IFNGR1: variants seen among roughly 807,000 people sequenced by gnomAD.
IFNGR1 encodes AVP, type 2.
A neutral mutation model predicts 35.4 loss-of-function variants in IFNGR1; 23 were observed. That is an observed-to-expected ratio of 0.65 (90% CI 0.47 to 0.92). IFNGR1 has a LOEUF of 0.92. Ranked by LOEUF, IFNGR1 falls within the 40% of genes least tolerant of loss-of-function variation. The pLI, the probability that IFNGR1 is intolerant of heterozygous loss-of-function variation, is 0.00. For synonymous variants in IFNGR1, 199 were observed against 209.5 expected (o/e 0.95, Z 0.43); for missense variants, 533 against 583.4 (o/e 0.91, Z 0.89).
chr6:137,205,760 G>T (rs1779413376), intron 3 of IFNGR1, among the ~76,000 whole-genome samples: 1 of 152,204 alleles, frequency 6.6e-6, no homozygotes, highest in African/African-American at 2.4e-5. Context: ...GGGCTTGAAA[G>T]AAGGGGAGGA....
chr6:137,211,486 C>T (rs1779571574), intron 1 of IFNGR1, among the ~76,000 whole-genome samples: 1 of 152,142 alleles, frequency 6.6e-6, no homozygotes, highest in Non-Finnish European at 1.5e-5. Context: ...TCAAATACTT[C>T]ATACTACTAA....
chr6:137,212,951 G>T (rs1251380153), intron 1 of IFNGR1, among the ~76,000 whole-genome samples: 1 of 152,186 alleles, frequency 6.6e-6, no homozygotes, highest in Non-Finnish European at 1.5e-5. Context: ...TACACCAAAA[G>T]ATGTAATCTG....
At chr6:137,213,195 T>G (rs1451458195) in intron 1 of IFNGR1, among the ~76,000 whole-genome samples, 1 of 152,198 alleles carries the variant, frequency 6.6e-6, no homozygotes, top group Non-Finnish European at 1.5e-5. Flanking sequence ...AATAAAAATA[T>G]ATGTAGAAAC....
intron 1 of IFNGR1, among the ~76,000 whole-genome samples, chr6:137,209,647 T>C (rs1779530039): frequency 6.6e-6 from 1 of 151,824 alleles, no homozygotes; most frequent in East Asian, 1.9e-4. Context: ...TGTGGAACTG[T>C]AAGTCCAATC....
In IFNGR1 at chr6:137,202,759, G is replaced by T. The variant is rs182692439; in HGVS notation, c.733+740C>A. ...GAAAAACTAAAGAAAATATCAAACT[G>T]TGAATAATGGGGTATTTTTGCATGG... On this transcript the variant is annotated intron_variant, in intron 5 of 6. Transcript: ENST00000367739. 1.5e-3 allele frequency among the ~76,000 whole-genome samples: 227 copies of T among 152,108 alleles called. 1 individual carries two copies. Among genetic ancestry groups the T allele is most frequent in the African/African-American group, 5.3e-3 (219 of 41,484 alleles).
chr6:137,214,040 G>C (rs754543384), intron 1 of IFNGR1, among the ~76,000 whole-genome samples: 1 of 152,180 alleles, frequency 6.6e-6, no homozygotes, highest in East Asian at 1.9e-4. Flanking sequence ...AAGGAAGTGA[G>C]GATGAAGTAA....
chr6:137,216,739 CT>C (rs1336958031), intron 1 of IFNGR1, among the ~76,000 whole-genome samples: 5 of 152,114 alleles, frequency 3.3e-5, no homozygotes, highest in Admixed American at 6.5e-5. Flanking sequence ...GAGAAATGCA[CT>C]GAAAAATCTA....
intron 6 of IFNGR1, among the ~76,000 whole-genome samples, chr6:137,199,348 TTA>T (rs904777048): frequency 3.1e-5 from 4 of 128,094 alleles, no homozygotes; most frequent in African/African-American, 1.2e-4. Context: ...AATATATAAT[TTA>T]TAATTTATAA....
intron 5 of IFNGR1, 119 bp downstream of exon 5, chr6:137,203,380 T>C (rs1779335482): frequency 4.2e-6 from 3 of 706,590 alleles, no homozygotes; most frequent in Non-Finnish European, 5.2e-6. Flanking sequence ...ATGGAACTAA[T>C]GCAAATGAAT....
chr6:137,212,587 A>C (rs1244984475), intron 1 of IFNGR1, among the ~76,000 whole-genome samples: 4 of 152,104 alleles, frequency 2.6e-5, no homozygotes, highest in African/African-American at 7.2e-5. Context: ...ACCCAGTAGG[A>C]ATGGCTTTAT....
chr6:137,201,293 A>G lies in IFNGR1; in HGVS notation c.734-285T>C, dbSNP rs141481810. ...AGCTTTTCTACAATAATTTCCTTAC[A>G]GCCCTACATACAGTGTGTTTCCAGG... On this transcript the variant is annotated intron_variant, in intron 5 of 6. Coordinates refer to ENST00000367739, the MANE Select transcript of IFNGR1 (RefSeq NM_000416.3). 2.1e-3 allele frequency among the ~76,000 whole-genome samples: 327 copies of G among 152,362 alleles called. 2 individuals are homozygous for G. Among genetic ancestry groups the G allele is most frequent in the African/African-American group, 6.9e-3 (288 of 41,582 alleles).
intron 5 of IFNGR1, 125 bp downstream of exon 5, chr6:137,203,374 A>G (rs1779335294): frequency 5.7e-6 from 4 of 698,650 alleles, no homozygotes; most frequent in Admixed American, 4.2e-5. Context: ...TAAGGAATGG[A>G]ACTAATGCAA....
At chr6:137,218,792 G>T (rs1779769751) in intron 1 of IFNGR1, 1 of 349,290 alleles carries the variant, frequency 2.9e-6, no homozygotes, top group Non-Finnish European at 5.6e-6. Context: ...CTGCTCTTAG[G>T]TCATGAACCT....
At chr6:137,199,437 TATA>T (rs1356933160) in intron 6 of IFNGR1, among the ~76,000 whole-genome samples, 2 of 111,248 alleles carry the variant, frequency 1.8e-5, no homozygotes, top group African/African-American at 6.7e-5. Context: ...TAATTTATAA[TATA>T]ATATATAAAA....
rs531198728 is a variant in IFNGR1 at position 137,207,131 on chromosome 6, T to C, written c.86-54A>G. The C allele has an allele frequency of 7.2e-5, 116 of 1,601,466 alleles. No individual in the cohort carries two copies. The South Asian group carries it at 1.2e-3, about 16-fold the overall frequency. On this transcript the variant is annotated intron_variant, in intron 1 of 6. Transcript: ENST00000367739. Reference sequence around the variant, plus strand: ...CAATTGTAAGAAACTAACATTAATATTGGAAAGCCTTATTGTAAGATGCCA... The same window carrying C: ...CAATTGTAAGAAACTAACATTAATACTGGAAAGCCTTATTGTAAGATGCCA...
chr6:137,218,691 A>G, intron 1 of IFNGR1: 2 of 353,254 alleles, frequency 5.7e-6, no homozygotes, highest in Middle Eastern at 1.0e-3. Flanking sequence ...TCACTTAACG[A>G]TGGAGATCCG....
At position 137,203,550 on chromosome 6, in the gene IFNGR1, T is replaced by C. The variant is rs1779342319; in HGVS notation, c.682A>G (p.Thr228Ala). The C allele has an allele frequency of 6.2e-7, 1 of 1,613,490 alleles. No individual in the cohort carries two copies. The highest frequency in any genetic ancestry group is 1.1e-5 in the South Asian group (1 of 91,068). ...ATACAAACTTCTTTTGACTTTTCAGTTGTAACACCCCACACATGTAAGACT... is the reference window on the plus strand; with the variant it reads ...ATACAAACTTCTTTTGACTTTTCAGCTGTAACACCCCACACATGTAAGACT... ...EGVLHVWGVT[T>A]EKSKEVCITI... Residue 228 changes from threonine (T) to alanine (A), a missense_variant, in exon 5 of 7, where the codon ACT becomes GCT. Transcript: ENST00000367739.
chr6:137,200,082 G>A (rs1414435816), intron 6 of IFNGR1, among the ~76,000 whole-genome samples: 3 of 151,986 alleles, frequency 2.0e-5, no homozygotes, highest in Non-Finnish European at 2.9e-5. Flanking sequence ...CTTCTCTAGC[G>A]CGTGTAAAAT....
chr6:137,209,203 T>C (rs1036412925), intron 1 of IFNGR1, among the ~76,000 whole-genome samples: 1 of 152,254 alleles, frequency 6.6e-6, no homozygotes, highest in Admixed American at 6.5e-5. Flanking sequence ...CTTTTGATTT[T>C]ACAGGCTCAC....
Sources: gnomAD v4.1 joint callset for allele counts (sites outside exome capture counted in the v4.1 genomes callset) on GRCh38, gnomAD v4.1.1 for gene constraint, MANE v1.5 for transcripts, NCBI Gene and HGNC (gene_info 2026-07-23, HGNC 2026-07-21) for gene names.